Variants in INO80 observed in about 807,000 individuals in gnomAD.
INO80 encodes chromatin-remodeling ATPase INO80.
INO80 carries 20 observed loss-of-function variants against 203.4 expected under a neutral mutation model. The ratio of observed to expected loss-of-function variants is 0.10; its 90% CI spans 0.07 to 0.14. INO80 has a LOEUF of 0.14. INO80 is among the 10% of genes least tolerant of loss of function. The pLI, the probability that INO80 is intolerant of heterozygous loss-of-function variation, is 1.00. For synonymous variants in INO80, 726 were observed against 685.2 expected, an observed-to-expected ratio of 1.06 and a Z score of -0.93; for missense variants, 1,419 against 1,914.4, an observed-to-expected ratio of 0.74 and a Z score of 4.83.
At chr15:40,988,540 T>C (rs920549897) in intron 29 of INO80, among the ~76,000 whole-genome samples, 1 of 151,992 alleles carries the variant, frequency 6.6e-6, no homozygotes, top group Non-Finnish European at 1.5e-5. Context: ...GAGCTGAGAT[T>C]GTACCACTGC....
chr15:41,099,205 A>G (rs1255177842), intron 1 of INO80, among the ~76,000 whole-genome samples: 3 of 128,230 alleles, frequency 2.3e-5, no homozygotes, highest in Non-Finnish European at 4.7e-5. Context: ...TCATTGTGCC[A>G]CTGTGCTCCA....
chr15:41,097,306 A>G lies in INO80; in HGVS notation c.-43-953T>C, dbSNP rs569957631. On this transcript the variant is annotated intron_variant, in intron 1 of 35. Transcript: ENST00000648947. ...AGCAATCCACCCACCTTGGCCTCCCAAAGTGCTGGGATTACAGGCTTGAGC... is the reference window on the plus strand; with the variant it reads ...AGCAATCCACCCACCTTGGCCTCCCGAAGTGCTGGGATTACAGGCTTGAGC... 2.7e-3 allele frequency among the ~76,000 whole-genome samples: 408 copies of G among 151,786 alleles called. 3 individuals carry two copies. Among genetic ancestry groups the G allele is most frequent in the South Asian group, 0.013 (62 of 4,804 alleles).
chr15:41,056,600 T>A (rs746841094), intron 17 of INO80, 22 bp downstream of exon 17: 3 of 1,566,650 alleles, frequency 1.9e-6, no homozygotes, highest in Non-Finnish European at 1.8e-6. Context: ...GATATAAACC[T>A]GTGACCTGGA....
chr15:41,070,017 T>G (rs1305835211), intron 13 of INO80, among the ~76,000 whole-genome samples: 1 of 152,212 alleles, frequency 6.6e-6, no homozygotes, highest in Admixed American at 6.5e-5. Context: ...TTTTTCAGTT[T>G]TACGCATTTT....
At chr15:41,105,361 T>A (rs996295592) in intron 1 of INO80, among the ~76,000 whole-genome samples, 1 of 152,198 alleles carries the variant, frequency 6.6e-6, no homozygotes, top group Non-Finnish European at 1.5e-5. Flanking sequence ...GTAAGGAGGC[T>A]ACATGCTCAC....
chr15:41,031,848 T>A (rs796160058), intron 24 of INO80, among the ~76,000 whole-genome samples: 41 of 152,138 alleles, frequency 2.7e-4, no homozygotes, highest in African/African-American at 9.9e-4. Flanking sequence ...TTTCGCACCA[T>A]ACAAAAGTCT....
chr15:40,988,567 CAG>C (rs2043772709), intron 29 of INO80, among the ~76,000 whole-genome samples: 1 of 152,120 alleles, frequency 6.6e-6, no homozygotes, highest in African/African-American at 2.4e-5. Context: ...GCCTGGGTGA[CAG>C]AGCAATACCC....
At chr15:41,001,819 T>C (rs186716913) in intron 28 of INO80, among the ~76,000 whole-genome samples, 188 of 152,342 alleles carry the variant, frequency 1.2e-3, no homozygotes, top group African/African-American at 4.4e-3. Context: ...CTGGCTGACC[T>C]TTGACCACAG....
chr15:41,094,568 T>C (rs1286919668), intron 4 of INO80, among the ~76,000 whole-genome samples: 1 of 152,162 alleles, frequency 6.6e-6, no homozygotes, highest in African/African-American at 2.4e-5. Flanking sequence ...ACCTGGCACA[T>C]GCACATGGAT....
Position 41,087,590 on chromosome 15 carries a change from C to A in INO80, c.630G>T (p.Lys210Asn), listed in dbSNP as rs1286730374. Reference sequence around the variant, plus strand: ...TAAGTTTCTTTTCCTCCTTAAATTTCTTTTTCTTGGGTCCAAGTAGGTGCC... The same window carrying A: ...TAAGTTTCTTTTCCTCCTTAAATTTATTTTTCTTGGGTCCAAGTAGGTGCC... ...QQRHLLGPKK[K>N]KFKEEKKLKA... Residue 210 changes from lysine (K) to asparagine (N), a missense_variant, in exon 6 of 36, where the codon AAG (lysine) becomes AAT (asparagine). By Grantham distance (94) the Lys-to-Asn change is moderately conservative. Coordinates refer to ENST00000648947, the MANE Select transcript of INO80 (RefSeq NM_017553.3). 7 of 1,613,808 alleles carry A rather than the reference C, an allele frequency of 4.3e-6. No homozygotes were observed. The highest frequency in any genetic ancestry group is 5.1e-6 in the Non-Finnish European group (6 of 1,179,962).
intron 9 of INO80, among the ~76,000 whole-genome samples, chr15:41,074,820 C>T (rs12912464): frequency 6.6e-6 from 1 of 152,212 alleles, no homozygotes; most frequent in Non-Finnish European, 1.5e-5. Context: ...TCTCGGCTCA[C>T]TGCGACCTCC....
intron 24 of INO80, among the ~76,000 whole-genome samples, chr15:41,036,929 C>A (rs969336406): frequency 4.6e-5 from 7 of 151,960 alleles, no homozygotes; most frequent in African/African-American, 1.7e-4. Flanking sequence ...GGCAAAACCC[C>A]GTCTCTCTAC....
intron 1 of INO80, among the ~76,000 whole-genome samples, chr15:41,110,838 T>C (rs2045948920): frequency 6.6e-6 from 1 of 152,262 alleles, no homozygotes; most frequent in African/African-American, 2.4e-5. Flanking sequence ...TTCATCAAGA[T>C]GGTGAATGCC....
chr15:40,995,695 C>T (rs763456780), intron 29 of INO80, among the ~76,000 whole-genome samples: 4 of 152,154 alleles, frequency 2.6e-5, no homozygotes, highest in Non-Finnish European at 5.9e-5. Flanking sequence ...GAATCTTGTA[C>T]TCACATTGAG....
intron 24 of INO80, among the ~76,000 whole-genome samples, chr15:41,035,518 T>C (rs2044556256): frequency 1.3e-5 from 2 of 149,270 alleles, no homozygotes; most frequent in South Asian, 4.3e-4. Context: ...AAAGCAAGAC[T>C]ACATCTCTAA....
chr15:41,069,674 G>C lies in INO80; in HGVS notation c.1687-9C>G. The C allele has an allele frequency of 1.9e-6, 3 of 1,540,242 alleles. No homozygotes were observed. In the South Asian group the frequency reaches 3.5e-5, roughly 18 times the overall value. On this transcript the variant is annotated splice_polypyrimidine_tract_variant and intron_variant, in intron 13 of 35. Coordinates refer to ENST00000648947, the MANE Select transcript of INO80 (RefSeq NM_017553.3). The stretch of plus-strand genomic sequence containing the variant: ...CCCCAAATGTTCTCTCTCTGCAACA[G>C]AAAAACCCAGTCAGCCAACTACAGG...
At chr15:41,094,224 G>T (rs933729603) in intron 4 of INO80, among the ~76,000 whole-genome samples, 1 of 152,120 alleles carries the variant, frequency 6.6e-6, no homozygotes, top group Non-Finnish European at 1.5e-5. Context: ...AGTAAAACAC[G>T]AACTCCTTAA....
chr15:41,042,861 G>A (rs1312412544), intron 24 of INO80, among the ~76,000 whole-genome samples: 2 of 152,162 alleles, frequency 1.3e-5, no homozygotes, highest in African/African-American at 4.8e-5. Flanking sequence ...ATATGTTGGA[G>A]ATAAGGATGA....
At chr15:41,061,750 C>T (rs116097503) in intron 14 of INO80, among the ~76,000 whole-genome samples, 3,387 of 151,960 alleles carry the variant, frequency 0.022, 127 homozygotes, top group African/African-American at 0.078. Context: ...AGAATCAAAG[C>T]GAATTTTTAG....
Sources: allele counts gnomAD v4.1 joint callset (sites outside exome capture counted in the v4.1 genomes callset), GRCh38; gene constraint gnomAD v4.1.1; transcripts MANE v1.5; gene names NCBI Gene and HGNC (gene_info 2026-07-23, HGNC 2026-07-21).